Variants in STK10 observed in about 807,000 individuals in gnomAD.
STK10 encodes serine/threonine kinase 10, also known as serine/threonine-protein kinase 10.
A neutral mutation model predicts 113.8 loss-of-function variants in STK10; 78 were observed. The ratio of observed to expected loss-of-function variants is 0.69; its 90% CI spans 0.57 to 0.83. The LOEUF (loss-of-function observed/expected upper bound fraction) is 0.83, where lower values mean the gene tolerates loss of function less well. Ranked by LOEUF, STK10 falls within the 40% of genes least tolerant of loss-of-function variation. STK10 has a pLI of 0.00. For synonymous variants in STK10, 465 were observed against 494.7 expected (o/e 0.94, Z 0.80); for missense variants, 1,109 against 1,280.1 (o/e 0.87, Z 2.04).
intron 7 of STK10, among the ~76,000 whole-genome samples, chr5:172,103,608 C>G (rs75391217): frequency 0.099 from 15,073 of 152,120 alleles, 857 homozygotes; most frequent in Non-Finnish European, 0.12. Context: ...GGGCCCCAGC[C>G]CACTCCCAAC....
intron 1 of STK10, among the ~76,000 whole-genome samples, chr5:172,161,637 T>A (rs1256659559): frequency 2.0e-5 from 3 of 152,186 alleles, no homozygotes; most frequent in Non-Finnish European, 4.4e-5. Flanking sequence ...TTGATAATAA[T>A]ATGTTGGAGT....
chr5:172,132,143 G>A (rs540846199), intron 2 of STK10, among the ~76,000 whole-genome samples: 4 of 152,130 alleles, frequency 2.6e-5, no homozygotes, highest in Non-Finnish European at 4.4e-5. Context: ...GCACTGAGAC[G>A]ATGGTAATAA....
intron 1 of STK10, among the ~76,000 whole-genome samples, chr5:172,185,442 T>A (rs1770938426): frequency 6.6e-6 from 1 of 152,116 alleles, no homozygotes; most frequent in Admixed American, 6.5e-5. Flanking sequence ...CTAATTTCTG[T>A]ATTTTTAGTA....
chr5:172,068,409 C>T (rs1331672653), intron 12 of STK10, among the ~76,000 whole-genome samples: 3 of 151,644 alleles, frequency 2.0e-5, no homozygotes, highest in African/African-American at 4.8e-5. Flanking sequence ...AAAATAAAGA[C>T]ATTTTCAGAT....
In STK10 at chr5:172,120,860, T is replaced by C. The variant is rs1291072643; in HGVS notation, c.371-3230A>G. Among the ~76,000 whole-genome samples, 1 of 152,150 alleles carries C rather than the reference T, an allele frequency of 6.6e-6. No individual in the cohort carries two copies. Among genetic ancestry groups the C allele is most frequent in the African/African-American group, 2.4e-5 (1 of 41,430 alleles). ...GGAATGACAAAAATACTAATGATGATGATGAAGATAATTATGATCTAATCA... is the reference window on the plus strand; with the variant it reads ...GGAATGACAAAAATACTAATGATGACGATGAAGATAATTATGATCTAATCA... On this transcript the variant is annotated intron_variant, in intron 3 of 18. Coordinates refer to ENST00000176763, the MANE Select transcript of STK10 (RefSeq NM_005990.4). This position sits in a 1 kb window ranked among gnomAD's most constrained non-coding sequence, Gnocchi z 4.0.
At chr5:172,075,486 G>T (rs1321305506) in intron 12 of STK10, among the ~76,000 whole-genome samples, 1 of 152,088 alleles carries the variant, frequency 6.6e-6, no homozygotes, top group East Asian at 1.9e-4. Context: ...AGACCATCCT[G>T]GCCAACATGG....
At position 172,056,328 on chromosome 5, in the gene STK10, G is replaced by A. The variant is rs555805813; in HGVS notation, c.2338-552C>T. 5.3e-5 allele frequency among the ~76,000 whole-genome samples: 8 copies of A among 152,278 alleles called. 1 individual carries two copies. The highest frequency in any genetic ancestry group is 1.7e-4 in the African/African-American group (7 of 41,554). On this transcript the variant is annotated intron_variant, in intron 15 of 18. Coordinates refer to ENST00000176763, the MANE Select transcript of STK10 (RefSeq NM_005990.4). Reference sequence around the variant, plus strand: ...CACAGCTGCTGTGCATCCAGACCTTGGTCTGTCTGTCACTGTCCCACTATG... The same window carrying A: ...CACAGCTGCTGTGCATCCAGACCTTAGTCTGTCTGTCACTGTCCCACTATG...
At chr5:172,159,875 T>C (rs187143234) in intron 1 of STK10, among the ~76,000 whole-genome samples, 64 of 152,240 alleles carry the variant, frequency 4.2e-4, no homozygotes, top group Admixed American at 9.8e-4. Context: ...CAGTGGCTCA[T>C]GCCTGTAATC....
intron 12 of STK10, among the ~76,000 whole-genome samples, chr5:172,074,675 C>T (rs1768269402): frequency 6.6e-6 from 1 of 151,810 alleles, no homozygotes; most frequent in Non-Finnish European, 1.5e-5. Context: ...TAGCATAATC[C>T]CTAAAAGAAA....
chr5:172,139,518 A>G (rs1262800348), intron 2 of STK10, among the ~76,000 whole-genome samples: 1 of 151,408 alleles, frequency 6.6e-6, no homozygotes, highest in Non-Finnish European at 1.5e-5. Flanking sequence ...AAGAAAAGAG[A>G]GAGGGAGTCC....
chr5:172,084,402 A>AAATAATAATAAT (rs60087344), intron 10 of STK10, among the ~76,000 whole-genome samples: 2 of 149,154 alleles, frequency 1.3e-5, no homozygotes, highest in African/African-American at 4.9e-5. Context: ...TTCTGTCTCA[A>AAATAATAATAAT]AATAATAATA....
chr5:172,105,443 T>C (rs1401762574), intron 7 of STK10: 2 of 589,788 alleles, frequency 3.4e-6, no homozygotes, highest in Admixed American at 2.9e-5. Context: ...GAACACACGC[T>C]CCATGAGGAC....
At chr5:172,147,849 C>T (rs1038897407) in intron 2 of STK10, among the ~76,000 whole-genome samples, 2 of 152,184 alleles carry the variant, frequency 1.3e-5, no homozygotes, top group Admixed American at 6.5e-5. Context: ...GGGGCCTGCT[C>T]CTGAGGCCTA....
chr5:172,178,910 G>A lies in STK10; in HGVS notation c.156+8977C>T, dbSNP rs373793489. Among the ~76,000 whole-genome samples, 12 of 152,306 alleles carry A rather than the reference G, an allele frequency of 7.9e-5. No homozygotes were observed. The South Asian group carries it at 2.3e-3, about 29-fold the overall frequency. On this transcript the variant is annotated intron_variant, in intron 1 of 18. Transcript: ENST00000176763. ...TTGGTTGCCACAACTGCAAGGAGGTGTTCTGGCATCCAGTGGGCTGAAGCC... is the reference window on the plus strand; with the variant it reads ...TTGGTTGCCACAACTGCAAGGAGGTATTCTGGCATCCAGTGGGCTGAAGCC...
At chr5:172,125,329 C>T (rs1254733273) in intron 3 of STK10, among the ~76,000 whole-genome samples, 1 of 152,238 alleles carries the variant, frequency 6.6e-6, no homozygotes, top group Non-Finnish European at 1.5e-5. Flanking sequence ...TGCACTTATA[C>T]ATCTCCCTTT....
intron 18 of STK10, chr5:172,045,577 C>T (rs1767480266): frequency 2.6e-6 from 1 of 380,830 alleles, no homozygotes; most frequent in Non-Finnish European, 5.1e-6. Context: ...CCAAGGCCTT[C>T]TGTACTGTAC....
chr5:172,156,622 A>G lies in STK10; in HGVS notation c.321+2T>C. 13 of 1,612,524 alleles carry G rather than the reference A, an allele frequency of 8.1e-6. No homozygotes were observed. The highest frequency in any genetic ancestry group is 1.1e-5 in the Non-Finnish European group (13 of 1,179,048). ...CTGGGACAGACAGGGCGGCAGCCTT[A>G]CCCACAGCTTCCCGTCGTGATAGTA... On this transcript the variant is annotated splice_donor_variant, in intron 2 of 18. Transcript: ENST00000176763. LOFTEE classifies it high-confidence loss of function.
At chr5:172,078,060 G>A (rs1276016931) in intron 12 of STK10, among the ~76,000 whole-genome samples, 1 of 152,160 alleles carries the variant, frequency 6.6e-6, no homozygotes, top group Non-Finnish European at 1.5e-5. Context: ...TATGTCAAGG[G>A]CAATAGGCCA....
At position 172,117,611 on chromosome 5, in the gene STK10, C is replaced by T. The variant is rs756201985; in HGVS notation, c.390G>A (p.Thr130=). The part of the protein sequence containing the change: ...AIMLELDRGL[T]EPQIQVVCRQ... ...GGCAAACCACCTGTATCTGGGGCTC[C>T]GTGAGGCCTCTGTCCAGCTCTGGAA... The change falls in exon 4 of 19, where the codon ACG becomes ACA. Residue 130 remains threonine (T), a synonymous_variant. Transcript: ENST00000176763. 12 of 1,614,016 alleles carry T rather than the reference C, an allele frequency of 7.4e-6. No homozygotes were observed. The East Asian group carries it at 1.1e-4, about 15-fold the overall frequency.
Sources: gnomAD v4.1 joint callset for allele counts (sites outside exome capture counted in the v4.1 genomes callset) on GRCh38, gnomAD v4.1.1 for gene constraint, Gnocchi (gnomAD v3.1) non-coding constraint, MANE v1.5 for transcripts, NCBI Gene and HGNC (gene_info 2026-07-23, HGNC 2026-07-21) for gene names.